Variants in OTOGL observed in about 807,000 individuals in gnomAD.
The protein encoded by OTOGL is otogelin-like protein.
Under a neutral mutation model 318.5 loss-of-function variants are expected in OTOGL, and 285 were observed. The ratio of observed to expected loss-of-function variants is 0.89; its 90% CI spans 0.81 to 0.99. The LOEUF is 0.99. Among genes scored for constraint, OTOGL ranks in the 50% least tolerant of loss-of-function variants. The pLI, the probability that OTOGL is intolerant of heterozygous loss-of-function variation, is 0.00. For missense variants in OTOGL, 2,899 were observed against 2,845.6 expected (o/e 1.02, Z -0.43); for synonymous variants, 987 against 936.5 (o/e 1.05, Z -0.99).
chr12:80,327,098 T>C (rs1168532174), intron 35 of OTOGL, among the ~76,000 whole-genome samples: 5 of 152,242 alleles, frequency 3.3e-5, no homozygotes, highest in African/African-American at 1.2e-4. Flanking sequence ...TATGTAGTAA[T>C]ATAATAATTA....
intron 27 of OTOGL, among the ~76,000 whole-genome samples, chr12:80,301,869 C>T (rs1036825879): frequency 2.6e-5 from 4 of 152,220 alleles, no homozygotes; most frequent in African/African-American, 9.6e-5. Context: ...CTTTTACTCA[C>T]AAATTTAATG....
In OTOGL at chr12:80,238,884, A is replaced by G; in HGVS notation, c.851A>G (p.Asn284Ser). The G allele has an allele frequency of 6.4e-7, 1 of 1,573,168 alleles. No individual in the cohort carries two copies. The highest frequency in any genetic ancestry group is 8.6e-7 in the Non-Finnish European group (1 of 1,165,524). ...ACAGAAGACATCGCTATGTTTGCAA[A>G]TAGTTGGTCGGTGCAAACTCCAGAT... ...DYTEDIAMFANSWSVQTPDDT... is the reference protein window; with the variant it reads ...DYTEDIAMFASSWSVQTPDDT... Residue 284 changes from asparagine to serine, a missense_variant, in exon 10 of 59, where the codon AAT (asparagine) becomes AGT (serine). Coordinates refer to ENST00000547103, the MANE Select transcript of OTOGL (RefSeq NM_001378609.3).
At chr12:80,166,284 A>G (rs1422848693) in intron 1 of OTOGL, among the ~76,000 whole-genome samples, 4 of 151,556 alleles carry the variant, frequency 2.6e-5, no homozygotes, top group Non-Finnish European at 5.9e-5. Context: ...AAATATGACA[A>G]TATACATACA....
rs1192770927 is a variant in OTOGL at position 80,378,900 on chromosome 12, T to G, written c.*852T>G. On this transcript the variant is annotated 3_prime_UTR_variant, in exon 59 of 59. Coordinates refer to ENST00000547103, the MANE Select transcript of OTOGL (RefSeq NM_001378609.3). ...TAAATAGAGGAGATAGATCTTGAAC[T>G]GTTATTTTTTATATAATTAAAACTG... The G allele has an allele frequency of 6.6e-6, 1 of 152,326 alleles. No individual in the cohort carries two copies. The highest frequency in any genetic ancestry group is 1.5e-5 in the Non-Finnish European group (1 of 67,914). 9.4% of individuals were successfully genotyped at this position (152,326 alleles called of 1,614,324 possible).
At chr12:80,130,847 G>A (rs774790682) in intron 1 of OTOGL, 6 of 152,126 alleles carry the variant, frequency 3.9e-5, no homozygotes, top group Admixed American at 6.5e-5. Context: ...ATCATGCTAT[G>A]ATCTTTCTTC....
At chr12:80,370,017 G>C (rs1440503420) in intron 55 of OTOGL, among the ~76,000 whole-genome samples, 1 of 151,910 alleles carries the variant, frequency 6.6e-6, no homozygotes. Flanking sequence ...TTTCTTGAAA[G>C]AATAGGGATA....
intron 7 of OTOGL, among the ~76,000 whole-genome samples, chr12:80,228,482 C>T (rs1879080455): frequency 6.6e-6 from 1 of 151,672 alleles, no homozygotes; most frequent in East Asian, 1.9e-4. Flanking sequence ...AAAAAAACCC[C>T]AAAACAAAAC....
intron 29 of OTOGL, among the ~76,000 whole-genome samples, chr12:80,307,490 C>T (rs1886231041): frequency 6.7e-6 from 1 of 149,572 alleles, no homozygotes; most frequent in Admixed American, 6.6e-5. Context: ...CAGAGGGGCT[C>T]CTCACTTCCC....
At chr12:80,112,705 C>CTTT (rs546093754) in intron 1 of OTOGL, among the ~76,000 whole-genome samples, 39 of 128,626 alleles carry the variant, frequency 3.0e-4, no homozygotes, top group Non-Finnish European at 4.4e-4. Context: ...CTGAAATTTT[C>CTTT]TTTCTTTTTT....
At chr12:80,140,797 T>C (rs1412369402) in intron 1 of OTOGL, among the ~76,000 whole-genome samples, 2 of 152,186 alleles carry the variant, frequency 1.3e-5, no homozygotes, top group East Asian at 3.9e-4. Context: ...AACTTGATCA[T>C]TTTAAGTATT....
At chr12:80,229,189 A>C in intron 7 of OTOGL, 68 bp from the exon 8 acceptor site, 6 of 1,499,390 alleles carry the variant, frequency 4.0e-6, no homozygotes, top group Non-Finnish European at 5.5e-6. Flanking sequence ...GTAAACATAC[A>C]TTGTGGTTTT....
At chr12:80,307,897 C>A (rs1161078030) in intron 29 of OTOGL, among the ~76,000 whole-genome samples, 1 of 127,768 alleles carries the variant, frequency 7.8e-6, no homozygotes. Flanking sequence ...CCCTCCCGGA[C>A]GGGGCGGCTG....
At chr12:80,329,422 G>A (rs575830577) in intron 37 of OTOGL, among the ~76,000 whole-genome samples, 3 of 152,280 alleles carry the variant, frequency 2.0e-5, no homozygotes, top group African/African-American at 7.2e-5. Context: ...GGTCCACCTC[G>A]TTCTTCATTT....
At chr12:80,335,014 A>T (rs1192406583) in intron 38 of OTOGL, among the ~76,000 whole-genome samples, 1 of 152,144 alleles carries the variant, frequency 6.6e-6, no homozygotes, top group African/African-American at 2.4e-5. Context: ...ATTTCTCTAA[A>T]CCTTATTTTA....
chr12:80,148,873 C>T (rs867377920), intron 1 of OTOGL, among the ~76,000 whole-genome samples: 18 of 152,314 alleles, frequency 1.2e-4, no homozygotes, highest in Middle Eastern at 3.4e-3. Flanking sequence ...GCATTCTTCA[C>T]GTAGTTCTCG....
chr12:80,134,196 A>G (rs1359231759), intron 1 of OTOGL, among the ~76,000 whole-genome samples: 9 of 152,138 alleles, frequency 5.9e-5, no homozygotes, highest in Admixed American at 5.9e-4. Flanking sequence ...TATGCACCAC[A>G]CCAGATTCAT....
At chr12:80,305,744 A>G (rs1841611908) in intron 29 of OTOGL, 49 bp downstream of exon 29, 2 of 1,326,456 alleles carry the variant, frequency 1.5e-6, no homozygotes, top group Non-Finnish European at 9.8e-7. Flanking sequence ...TTTTAAGAAT[A>G]TTTTTTCACT....
At chr12:80,194,329 T>A (rs1875897082) in intron 1 of OTOGL, among the ~76,000 whole-genome samples, 1 of 152,210 alleles carries the variant, frequency 6.6e-6, no homozygotes. Context: ...ATAATTCCCC[T>A]TTTTGCTTAA....
chr12:80,267,407 A>ATATAT (rs372918448), intron 22 of OTOGL, 80 bp downstream of exon 22: 2 of 627,074 alleles, frequency 3.2e-6, no homozygotes, highest in Admixed American at 5.0e-5. Flanking sequence ...ATATATATAT[A>ATATAT]TTTTTTTATT....
Sources: allele counts gnomAD v4.1 joint callset (sites outside exome capture counted in the v4.1 genomes callset), GRCh38; gene constraint gnomAD v4.1.1; transcripts MANE v1.5; gene names NCBI Gene and HGNC (gene_info 2026-07-23, HGNC 2026-07-21).